The following GNA12 variants were observed in gnomAD, a reference collection of about 807,000 sequenced individuals.
GNA12 encodes the protein guanine nucleotide-binding protein subunit alpha-12.
In GNA12, 9 loss-of-function variants were observed where a neutral mutation model predicts 26.0. The ratio of observed to expected loss-of-function variants is 0.35; its 90% confidence interval spans 0.21 to 0.60. The LOEUF is 0.60. GNA12 is among the 20% of genes least tolerant of loss of function. The pLI, the probability that GNA12 is intolerant of heterozygous loss-of-function variation, is 0.78. For missense variants in GNA12, 405 were observed against 525.8 expected (o/e 0.77, Z 2.25); for synonymous variants, 264 against 219.6 (o/e 1.20, Z -1.79).
chr7:2,746,607 A>G (rs1428062977), intron 2 of GNA12, among the ~76,000 whole-genome samples: 7 of 152,220 alleles, frequency 4.6e-5, no homozygotes, highest in Admixed American at 6.5e-5. Context: ...CAACTAAAAG[A>G]ACTAGAAAAG....
At chr7:2,740,687 G>A (rs1249707087) in intron 2 of GNA12, among the ~76,000 whole-genome samples, 1 of 152,130 alleles carries the variant, frequency 6.6e-6, no homozygotes, top group Non-Finnish European at 1.5e-5. Context: ...GTATCTGTTG[G>A]GCTCATTCTT....
intron 2 of GNA12, among the ~76,000 whole-genome samples, chr7:2,737,205 C>A (rs915341286): frequency 6.6e-6 from 1 of 150,782 alleles, no homozygotes; most frequent in Admixed American, 6.6e-5. Flanking sequence ...ACTTCCAGCT[C>A]CTGGCCAGAG....
intron 2 of GNA12, among the ~76,000 whole-genome samples, chr7:2,740,908 G>C (rs1467776151): frequency 6.6e-6 from 1 of 152,162 alleles, no homozygotes; most frequent in African/African-American, 2.4e-5. Flanking sequence ...AGTCGGGCGT[G>C]GTGGCAGGTG....
intron 2 of GNA12, chr7:2,762,657 T>C (rs10487576): frequency 0.01 from 16,147 of 1,598,710 alleles, 203 homozygotes; most frequent in African/African-American, 0.056. Flanking sequence ...GGCAGGACGA[T>C]GAGAGGATAA....
At chr7:2,759,231 G>A (rs1386325874) in intron 2 of GNA12, among the ~76,000 whole-genome samples, 3 of 151,366 alleles carry the variant, frequency 2.0e-5, no homozygotes, top group African/African-American at 4.9e-5. Flanking sequence ...AAAATATAAC[G>A]CTGAAGAAAT....
chr7:2,814,367 C>T, intron 1 of GNA12: 1 of 1,601,384 alleles, frequency 6.2e-7, no homozygotes, highest in Non-Finnish European at 8.6e-7. Flanking sequence ...CTTTCGGTTT[C>T]CATCTGGTGT....
intron 2 of GNA12, chr7:2,764,893 T>C (rs1791741271): frequency 6.6e-6 from 1 of 152,244 alleles, no homozygotes; most frequent in Non-Finnish European, 1.5e-5. Flanking sequence ...AAGCACGCGT[T>C]AGTTATCCAA....
intron 2 of GNA12, chr7:2,763,309 G>A (rs798487): frequency 0.26 from 45,983 of 176,890 alleles, 6,669 homozygotes; most frequent in Non-Finnish European, 0.3. Flanking sequence ...GACACAGCCC[G>A]GCTTGCTGAC....
intron 2 of GNA12, among the ~76,000 whole-genome samples, chr7:2,776,398 C>T (rs1454445422): frequency 6.6e-6 from 1 of 152,230 alleles, no homozygotes; most frequent in Non-Finnish European, 1.5e-5. Context: ...ACACACTGTA[C>T]ATCCCACGGT....
intron 2 of GNA12, among the ~76,000 whole-genome samples, chr7:2,774,806 C>G (rs775891614): frequency 6.6e-6 from 1 of 152,096 alleles, no homozygotes; most frequent in Non-Finnish European, 1.5e-5. Context: ...TTTTTCCCCC[C>G]TTTTAAACAC....
At chr7:2,813,181 C>G (rs1242684343) in intron 1 of GNA12, among the ~76,000 whole-genome samples, 1 of 152,204 alleles carries the variant, frequency 6.6e-6, no homozygotes, top group African/African-American at 2.4e-5. Flanking sequence ...TGGTATCCAG[C>G]AACCTTTAAA....
At chr7:2,834,966 C>CGTG (rs1778793845) in intron 1 of GNA12, among the ~76,000 whole-genome samples, 2 of 151,644 alleles carry the variant, frequency 1.3e-5, no homozygotes, top group Admixed American at 6.5e-5. Context: ...CATCGCGATG[C>CGTG]ATGACTATAC....
At chr7:2,835,168 G>A (rs910944621) in intron 1 of GNA12, among the ~76,000 whole-genome samples, 1 of 152,082 alleles carries the variant, frequency 6.6e-6, no homozygotes, top group Admixed American at 6.6e-5. Context: ...GGGATTTAAC[G>A]CATCACACAT....
chr7:2,844,070 TCG>T lies in GNA12; in HGVS notation c.90_91del (p.Asp31ArgfsTer9). The T allele has an allele frequency of 9.2e-7, 1 of 1,087,070 alleles. No homozygotes were observed. Among genetic ancestry groups the T allele is most frequent in the Non-Finnish European group, 1.1e-6 (1 of 889,438 alleles). 67.3% of individuals were successfully genotyped at this position (1,087,070 alleles called of 1,614,324 possible). A position where few individuals can be genotyped will look rare whatever the true frequency, so the allele number is the denominator to read the frequency against. ...ACGCCTCCGGGCCTCGCGCTCCGCG[TCG>T]CGCGCGCCGCTGCCCGCCCTGCGCT... On this transcript the variant is annotated frameshift_variant, in exon 1 of 4. Coordinates refer to ENST00000275364, the MANE Select transcript of GNA12 (RefSeq NM_007353.3). LOFTEE classifies it high-confidence loss of function.
At chr7:2,797,281 A>G (rs1355032046) in intron 1 of GNA12, among the ~76,000 whole-genome samples, 1 of 152,102 alleles carries the variant, frequency 6.6e-6, no homozygotes, top group Non-Finnish European at 1.5e-5. Context: ...AGGAGCTGGG[A>G]CCACAGGCAT....
rs372227846 is a variant in GNA12, at chr7:2,731,783, G to A, written c.577-33C>T. On this transcript the variant is annotated intron_variant, in intron 3 of 3. Transcript: ENST00000275364. The surrounding 1 kb of genome is among the most constrained non-coding windows in gnomAD (Gnocchi z 6.0). ...ATACAGGATGAGGCAGAAATTTAGG[G>A]GGAGGAAGAAAGAACAGAGAAAATA... 2 of 1,129,872 alleles carry A rather than the reference G, an allele frequency of 1.8e-6. No homozygotes were observed. The highest frequency in any genetic ancestry group is 2.5e-6 in the Non-Finnish European group (2 of 813,328). The allele number at this position is 1,129,872 out of a possible 1,614,324, so 70.0% of individuals were successfully genotyped here.
intron 2 of GNA12, among the ~76,000 whole-genome samples, chr7:2,761,167 AC>A (rs1451357761): frequency 3.3e-5 from 5 of 152,044 alleles, no homozygotes; most frequent in Admixed American, 6.6e-5. Flanking sequence ...CGGCCGCCTC[AC>A]CGAGCCACCG....
intron 2 of GNA12, among the ~76,000 whole-genome samples, chr7:2,790,544 A>C (rs1047310037): frequency 6.6e-6 from 1 of 152,254 alleles, no homozygotes; most frequent in Non-Finnish European, 1.5e-5. Context: ...TCACTGAAAG[A>C]ATACCCTTCC....
chr7:2,785,401 G>T (rs768707742), intron 2 of GNA12, among the ~76,000 whole-genome samples: 11 of 152,144 alleles, frequency 7.2e-5, no homozygotes, highest in Non-Finnish European at 1.5e-4. Flanking sequence ...GAATTTCTCA[G>T]GTCCTTCTGA....
Sources: allele counts gnomAD v4.1 joint callset (sites outside exome capture counted in the v4.1 genomes callset), GRCh38; gene constraint gnomAD v4.1.1; non-coding constraint Gnocchi (gnomAD v3.1); transcripts MANE v1.5; gene names NCBI Gene and HGNC (gene_info 2026-07-23, HGNC 2026-07-21).